The following GPC5 variants were observed in gnomAD, a reference collection of about 807,000 sequenced individuals.
GPC5 encodes glypican-5.
GPC5 carries 47 observed loss-of-function variants against 53.9 expected under a neutral mutation model. The ratio of observed to expected loss-of-function variants is 0.87; its 90% CI spans 0.69 to 1.11. The LOEUF (loss-of-function observed/expected upper bound fraction) is 1.11, where lower values mean the gene tolerates loss of function less well. Among genes scored for constraint, GPC5 ranks in the 50% most tolerant of loss-of-function variants. The pLI, the probability that GPC5 is intolerant of heterozygous loss-of-function variation, is 0.00. For missense variants in GPC5, 748 were observed against 713.1 expected (o/e 1.05, Z -0.56); for synonymous variants, 286 against 263.3 (o/e 1.09, Z -0.84).
At chr13:92,429,967 G>T (rs1161041775) in intron 7 of GPC5, among the ~76,000 whole-genome samples, 1 of 151,898 alleles carries the variant, frequency 6.6e-6, no homozygotes, top group Admixed American at 6.6e-5. Context: ...GAAGAGAGTA[G>T]ATTTTAAGTA....
intron 7 of GPC5, among the ~76,000 whole-genome samples, chr13:92,532,020 T>C (rs1881582732): frequency 6.6e-6 from 1 of 152,200 alleles, no homozygotes; most frequent in Admixed American, 6.5e-5. Flanking sequence ...TTGCTTCTTT[T>C]TCTCACCCTG....
At chr13:92,103,480 A>C (rs1300533172) in intron 6 of GPC5, among the ~76,000 whole-genome samples, 1 of 152,144 alleles carries the variant, frequency 6.6e-6, no homozygotes, top group Non-Finnish European at 1.5e-5. Flanking sequence ...TATCTCAAAA[A>C]TGTTTCTCTT....
At chr13:92,240,948 C>G (rs751667112) in intron 7 of GPC5, 11 of 152,114 alleles carry the variant, frequency 7.2e-5, no homozygotes, top group Admixed American at 4.6e-4. Context: ...AGGTGGAATA[C>G]CTATAGCTAG....
At chr13:92,522,006 G>A (rs1881071627) in intron 7 of GPC5, among the ~76,000 whole-genome samples, 1 of 152,104 alleles carries the variant, frequency 6.6e-6, no homozygotes, top group Non-Finnish European at 1.5e-5. Context: ...ACATTTATGT[G>A]GCCAACAGAC....
intron 2 of GPC5, among the ~76,000 whole-genome samples, chr13:91,573,497 T>A (rs1818057123): frequency 6.6e-6 from 1 of 152,168 alleles, no homozygotes; most frequent in Non-Finnish European, 1.5e-5. Context: ...GAGGTAGTCA[T>A]TATTTTCATT....
intron 7 of GPC5, among the ~76,000 whole-genome samples, chr13:92,857,630 C>A (rs1296198771): frequency 6.6e-6 from 1 of 151,976 alleles, no homozygotes; most frequent in Non-Finnish European, 1.5e-5. Context: ...AAGCAAAACA[C>A]AAATAACCTC....
chr13:91,561,725 CTG>C (rs772276446), intron 2 of GPC5, among the ~76,000 whole-genome samples: 6 of 151,906 alleles, frequency 3.9e-5, no homozygotes, highest in East Asian at 1.9e-4. Flanking sequence ...CTGTCAGTAA[CTG>C]TGAATTATTG....
chr13:92,364,622 C>A (rs2043593680), intron 7 of GPC5, among the ~76,000 whole-genome samples: 1 of 151,502 alleles, frequency 6.6e-6, no homozygotes, highest in South Asian at 2.1e-4. Flanking sequence ...CCCAGCTACT[C>A]GGGAGGCTGA....
chr13:92,197,538 C>G (rs932499382), intron 7 of GPC5, among the ~76,000 whole-genome samples: 1 of 152,010 alleles, frequency 6.6e-6, no homozygotes, highest in Non-Finnish European at 1.5e-5. Flanking sequence ...CGCTTTTTCT[C>G]CCAGGATGGA....
At chr13:91,762,269 AG>A (rs2037428797) in intron 5 of GPC5, among the ~76,000 whole-genome samples, 1 of 151,654 alleles carries the variant, frequency 6.6e-6, no homozygotes, top group East Asian at 1.9e-4. Context: ...CTTTCCACCC[AG>A]GCAATGACAG....
At chr13:92,030,470 A>G (rs1358515758) in intron 6 of GPC5, among the ~76,000 whole-genome samples, 3 of 152,172 alleles carry the variant, frequency 2.0e-5, no homozygotes, top group Admixed American at 1.3e-4. Context: ...CAGATTAGAA[A>G]CAAACACCAT....
intron 6 of GPC5, among the ~76,000 whole-genome samples, chr13:92,132,846 A>G (rs2041755388): frequency 6.6e-6 from 1 of 152,156 alleles, no homozygotes; most frequent in African/African-American, 2.4e-5. Context: ...TTAGCCTAAA[A>G]TGGAATGAAA....
chr13:92,770,307 A>G (rs1270803429), intron 7 of GPC5, among the ~76,000 whole-genome samples: 3 of 151,654 alleles, frequency 2.0e-5, no homozygotes, highest in Non-Finnish European at 2.9e-5. Context: ...CAAGCTACTC[A>G]AGAGACTGAG....
At chr13:91,754,589 C>T (rs900367983) in intron 4 of GPC5, among the ~76,000 whole-genome samples, 7 of 152,004 alleles carry the variant, frequency 4.6e-5, no homozygotes, top group South Asian at 2.1e-4. Flanking sequence ...ACTCTGATTC[C>T]GAACAAGTGA....
At chr13:91,935,603 C>T (rs1383540169) in intron 6 of GPC5, among the ~76,000 whole-genome samples, 1 of 151,876 alleles carries the variant, frequency 6.6e-6, no homozygotes, top group Non-Finnish European at 1.5e-5. Context: ...TTATAGGATC[C>T]TGAACAGACT....
chr13:92,254,858 G>C (rs1164230000), intron 7 of GPC5, among the ~76,000 whole-genome samples: 1 of 152,036 alleles, frequency 6.6e-6, no homozygotes, highest in Non-Finnish European at 1.5e-5. Flanking sequence ...CACCTCCCAT[G>C]GGGTCCCTCC....
At chr13:92,474,215 C>A (rs1330917096) in intron 7 of GPC5, among the ~76,000 whole-genome samples, 1 of 151,476 alleles carries the variant, frequency 6.6e-6, no homozygotes, top group Admixed American at 6.6e-5. Flanking sequence ...GTCCTTGGGA[C>A]AAAACCCATT....
At chr13:92,313,648 C>T (rs372600145) in intron 7 of GPC5, among the ~76,000 whole-genome samples, 4 of 152,166 alleles carry the variant, frequency 2.6e-5, no homozygotes, top group East Asian at 1.9e-4. Context: ...AGGCTATAGA[C>T]GGCACTTCCA....
intron 7 of GPC5, among the ~76,000 whole-genome samples, chr13:92,576,116 G>A (rs771001060): frequency 1.6e-4 from 24 of 152,098 alleles, no homozygotes; most frequent in Non-Finnish European, 2.9e-4. Context: ...CAGATATAAC[G>A]AATACTAATT....
Sources: allele counts gnomAD v4.1 joint callset (sites outside exome capture counted in the v4.1 genomes callset), GRCh38; gene constraint gnomAD v4.1.1; transcripts MANE v1.5; gene names NCBI Gene and HGNC (gene_info 2026-07-23, HGNC 2026-07-21).